NCOR1: variants seen among roughly 807,000 people sequenced by gnomAD.
NCOR1 encodes the protein protein phosphatase 1, regulatory subunit 109.
In NCOR1, 63 loss-of-function variants were observed where a neutral mutation model predicts 288.1. The observed-to-expected ratio is 0.22, with a 90% confidence interval of 0.18 to 0.27. NCOR1 has a LOEUF of 0.27. Among genes scored for constraint, NCOR1 ranks in the 10% least tolerant of loss-of-function variants. The pLI is 1.00. For synonymous variants in NCOR1, 1,007 were observed against 1,065.9 expected (o/e 0.94, Z 1.08); for missense variants, 2,397 against 3,019.2 (o/e 0.79, Z 4.83).
chr17:16,212,401 G>T (rs964032433), intron 1 of NCOR1, among the ~76,000 whole-genome samples: 1 of 152,158 alleles, frequency 6.6e-6, no homozygotes, highest in African/African-American at 2.4e-5. Context: ...CCTCATACTG[G>T]TTGAATATAA....
intron 2 of NCOR1, among the ~76,000 whole-genome samples, chr17:16,190,530 A>G (rs2087970848): frequency 6.7e-6 from 1 of 149,936 alleles, no homozygotes; most frequent in South Asian, 2.1e-4. Context: ...TTTAGTAGAG[A>G]CGGAGTTTCA....
At chr17:16,035,164 G>T (rs1315485747) in intron 44 of NCOR1, among the ~76,000 whole-genome samples, 2 of 152,212 alleles carry the variant, frequency 1.3e-5, no homozygotes, top group African/African-American at 4.8e-5. Context: ...TTGCCTCCAT[G>T]TTGATGGCTG....
intron 21 of NCOR1, among the ~76,000 whole-genome samples, chr17:16,096,487 T>G (rs2066642085): frequency 2.0e-5 from 3 of 152,206 alleles, no homozygotes; most frequent in African/African-American, 7.2e-5. Flanking sequence ...AGCCATAATC[T>G]CTACAATTTA....
At chr17:16,186,177 A>G (rs2086644487) in intron 3 of NCOR1, among the ~76,000 whole-genome samples, 1 of 152,198 alleles carries the variant, frequency 6.6e-6, no homozygotes, top group African/African-American at 2.4e-5. Flanking sequence ...GCTGCAAATC[A>G]GAATTACCGG....
rs1378683612 is a variant in NCOR1 at position 16,151,981 on chromosome 17, T to C, written c.807A>G (p.Pro269=). ...TCTCATGGTACACCTTGGTATCTGA[T>C]GGCTGGTTATACAGTGGCTATAAAA... The part of the protein sequence containing the change: ...PKVELPLYNQ[P]SDTKVYHENI... The change falls in exon 8 of 46, where the codon CCA becomes CCG. Residue 269 remains proline (P), a synonymous_variant. Coordinates refer to ENST00000268712, the MANE Select transcript of NCOR1 (RefSeq NM_006311.4). 2.5e-6 allele frequency: 4 copies of C among 1,598,726 alleles called. No homozygotes were observed. The highest frequency in any genetic ancestry group is 3.4e-6 in the Non-Finnish European group (4 of 1,173,324).
chr17:16,187,082 A>G (rs908634173), intron 2 of NCOR1, among the ~76,000 whole-genome samples: 2 of 152,206 alleles, frequency 1.3e-5, no homozygotes, highest in African/African-American at 4.8e-5. Context: ...ATCCACACTT[A>G]CAATGAAGAA....
At chr17:16,186,448 G>T in intron 3 of NCOR1, 106 bp downstream of exon 3, 1 of 1,153,360 alleles carries the variant, frequency 8.7e-7, no homozygotes, top group Middle Eastern at 2.4e-4. Context: ...AACTATAAAT[G>T]ACCAGTCATG....
Position 16,044,185 on chromosome 17 carries a change from A to G in NCOR1, c.6679+2766T>C, listed in dbSNP as rs542722699. On this transcript the variant is annotated intron_variant, in intron 42 of 45. Coordinates refer to ENST00000268712, the MANE Select transcript of NCOR1 (RefSeq NM_006311.4). Reference sequence around the variant, plus strand: ...CTCCATCTCAAAAAAAAAAAAAAAAAAAAGAAAGAAAGAAAGGCTATCTGT... The same window carrying G: ...CTCCATCTCAAAAAAAAAAAAAAAAGAAAGAAAGAAAGAAAGGCTATCTGT... Among the ~76,000 whole-genome samples the G allele has an allele frequency of 6.7e-3, 1,012 of 151,418 alleles. 3 individuals are homozygous for G. The highest frequency in any genetic ancestry group is 0.015 in the African/African-American group (625 of 41,220).
intron 1 of NCOR1, among the ~76,000 whole-genome samples, chr17:16,209,974 C>T (rs2153615584): frequency 6.6e-6 from 1 of 151,664 alleles, no homozygotes. Flanking sequence ...CATGTTTGTG[C>T]TATTTATCTA....
At chr17:16,056,391 TGATTCTTCCGCCCAGGTTCAAGC>T (rs1172657377) in intron 40 of NCOR1, among the ~76,000 whole-genome samples, 3 of 145,928 alleles carry the variant, frequency 2.1e-5, no homozygotes, top group African/African-American at 5.1e-5. Context: ...CGGGTTCAAG[TGATTCTTCCGCCCAGGTTCAAGC>T]GATTCTTCTG....
At chr17:16,199,076 T>C (rs1392559483) in intron 1 of NCOR1, among the ~76,000 whole-genome samples, 1 of 151,922 alleles carries the variant, frequency 6.6e-6, no homozygotes, top group African/African-American at 2.4e-5. Flanking sequence ...ACTTGTCCAT[T>C]TTTTCCCTCA....
chr17:16,130,659 A>C (rs1354731694), intron 14 of NCOR1, among the ~76,000 whole-genome samples: 9 of 152,136 alleles, frequency 5.9e-5, no homozygotes, highest in African/African-American at 2.2e-4. Context: ...AAAAAGTAAA[A>C]GTTAAGTGTA....
intron 42 of NCOR1, chr17:16,044,884 C>A: frequency 1.3e-6 from 1 of 749,490 alleles, no homozygotes; most frequent in Non-Finnish European, 2.3e-6. Flanking sequence ...GCTGCTCCAG[C>A]TGAGAAGAAA....
At chr17:16,181,546 TAA>T (rs1203923207) in intron 3 of NCOR1, among the ~76,000 whole-genome samples, 1 of 152,154 alleles carries the variant, frequency 6.6e-6, no homozygotes, top group African/African-American at 2.4e-5. Flanking sequence ...ACATGAGGAC[TAA>T]AGTTAATACA....
intron 27 of NCOR1, among the ~76,000 whole-genome samples, 172 bp downstream of exon 27, chr17:16,075,362 G>A (rs1466235771): frequency 1.3e-5 from 2 of 152,090 alleles, no homozygotes; most frequent in Non-Finnish European, 2.9e-5. Context: ...CGACTAAGCT[G>A]TTATTCACAA....
At position 16,154,536 on chromosome 17, in the gene NCOR1, C is replaced by T. The variant is rs73981470; in HGVS notation, c.733-1141G>A. Among the ~76,000 whole-genome samples the T allele has an allele frequency of 2.6e-3, 400 of 152,142 alleles. 2 individuals carry two copies. Among genetic ancestry groups the T allele is most frequent in the African/African-American group, 9.2e-3 (382 of 41,504 alleles). On this transcript the variant is annotated intron_variant, in intron 6 of 45. Coordinates refer to ENST00000268712, the MANE Select transcript of NCOR1 (RefSeq NM_006311.4). The stretch of plus-strand genomic sequence containing the variant: ...TGTGCTTGGCAGAAAAGACAAAACA[C>T]GGGGCCACCTGACAGCAGGGGCAAC...
intron 20 of NCOR1, 80 bp downstream of exon 20, chr17:16,101,170 G>A (rs1008640162): frequency 2.1e-6 from 3 of 1,410,490 alleles, no homozygotes; most frequent in African/African-American, 1.4e-5. Context: ...TAGGAGACAT[G>A]TCTGCAGCCA....
At chr17:16,123,797 C>A (rs1473575912) in intron 15 of NCOR1, among the ~76,000 whole-genome samples, 1 of 152,168 alleles carries the variant, frequency 6.6e-6, no homozygotes, top group African/African-American at 2.4e-5. Flanking sequence ...CTTAACTGGT[C>A]GTCTGTTGAC....
At chr17:16,103,597 TTTAG>T (rs774248049) in intron 19 of NCOR1, among the ~76,000 whole-genome samples, 10 of 152,386 alleles carry the variant, frequency 6.6e-5, no homozygotes, top group Non-Finnish European at 1.3e-4. Context: ...CTGGCCTTTA[TTTAG>T]TTTGTTCAAT....
Sources: allele counts gnomAD v4.1 joint callset (sites outside exome capture counted in the v4.1 genomes callset), GRCh38; gene constraint gnomAD v4.1.1; transcripts MANE v1.5; gene names NCBI Gene and HGNC (gene_info 2026-07-23, HGNC 2026-07-21).